The following PTPRD variants were observed in gnomAD, a reference collection of about 807,000 sequenced individuals.
PTPRD encodes receptor-type tyrosine-protein phosphatase delta.
PTPRD carries 34 observed loss-of-function variants against 214.5 expected under a neutral mutation model. The observed-to-expected ratio is 0.16, with a 90% CI of 0.12 to 0.21. The LOEUF is 0.21. PTPRD is among the 10% of genes least tolerant of loss of function. The pLI, the probability that PTPRD is intolerant of heterozygous loss-of-function variation, is 1.00. For missense variants in PTPRD, 2,545 were observed against 2,398.7 expected (o/e 1.06, Z -1.27); for synonymous variants, 1,128 against 845.7 (o/e 1.33, Z -5.79).
intron 7 of PTPRD, among the ~76,000 whole-genome samples, chr9:9,620,266 C>T (rs151059323): frequency 2.1e-4 from 32 of 152,200 alleles, no homozygotes; most frequent in African/African-American, 5.3e-4. Context: ...AAAAGGATAC[C>T]GATACCTACA....
Position 8,797,833 on chromosome 9 carries a change from G to C in PTPRD, c.-103-63887C>G, listed in dbSNP as rs867597377. Among the ~76,000 whole-genome samples, 7 of 151,962 alleles carry C rather than the reference G, an allele frequency of 4.6e-5. No individual in the cohort carries two copies. In the Middle Eastern group the frequency reaches 0.01, roughly 222 times the overall value. On this transcript the variant is annotated intron_variant, in intron 11 of 45. Coordinates refer to ENST00000381196, the MANE Select transcript of PTPRD (RefSeq NM_002839.4). ...TTGTATTTATTCACTTTAGTGTCTA[G>C]AACAGGACAGACTCTCAGAAAATAA... is the stretch of plus-strand genomic sequence containing the variant.
intron 8 of PTPRD, among the ~76,000 whole-genome samples, chr9:9,474,747 G>T (rs113551556): frequency 5.9e-5 from 9 of 151,420 alleles, no homozygotes; most frequent in African/African-American, 2.2e-4. Flanking sequence ...GTTTGTTATT[G>T]GTGTATAGAA....
At chr9:9,839,554 G>A (rs2057766491) in intron 5 of PTPRD, among the ~76,000 whole-genome samples, 1 of 151,978 alleles carries the variant, frequency 6.6e-6, no homozygotes. Flanking sequence ...AATAAAAGAG[G>A]ATACAAACAA....
chr9:10,543,475 T>TACACACACACACACACACAC (rs201493444), intron 2 of PTPRD, among the ~76,000 whole-genome samples: 1 of 104,262 alleles, frequency 9.6e-6, no homozygotes, highest in African/African-American at 3.2e-5. Flanking sequence ...TTAATATATA[T>TACACACACACACACACACAC]ATATACACAC....
At chr9:9,580,761 G>A (rs148761394) in intron 7 of PTPRD, among the ~76,000 whole-genome samples, 1 of 151,566 alleles carries the variant, frequency 6.6e-6, no homozygotes, top group South Asian at 2.1e-4. Flanking sequence ...GTTGGCCAGG[G>A]TGGTCTCAAA....
intron 9 of PTPRD, among the ~76,000 whole-genome samples, chr9:9,224,860 A>G (rs911288310): frequency 2.0e-5 from 3 of 151,998 alleles, no homozygotes; most frequent in African/African-American, 7.2e-5. Context: ...ATGGGATTCA[A>G]ATTGATACAT....
chr9:8,864,072 C>T (rs145189692), intron 11 of PTPRD, among the ~76,000 whole-genome samples: 2 of 152,162 alleles, frequency 1.3e-5, no homozygotes, highest in African/African-American at 4.8e-5. Context: ...TGCTGAATGG[C>T]GCAAGAATGG....
At chr9:10,430,381 G>T (rs1451225157) in intron 2 of PTPRD, among the ~76,000 whole-genome samples, 1 of 151,684 alleles carries the variant, frequency 6.6e-6, no homozygotes, top group Non-Finnish European at 1.5e-5. Context: ...TTAAATAATG[G>T]TTAAATTACT....
intron 23 of PTPRD, among the ~76,000 whole-genome samples, chr9:8,501,353 G>A (rs746550806): frequency 1.3e-5 from 2 of 152,018 alleles, no homozygotes; most frequent in Non-Finnish European, 2.9e-5. Flanking sequence ...ACCTACCTGC[G>A]ATAAAAATTC....
At chr9:8,466,306 T>C (rs958386293) in intron 31 of PTPRD, among the ~76,000 whole-genome samples, 2 of 151,960 alleles carry the variant, frequency 1.3e-5, no homozygotes, top group African/African-American at 2.4e-5. Context: ...CACTTTATCA[T>C]GGAGTCAACT....
At chr9:9,569,509 T>C (rs929525055) in intron 8 of PTPRD, among the ~76,000 whole-genome samples, 3 of 151,710 alleles carry the variant, frequency 2.0e-5, no homozygotes, top group African/African-American at 7.2e-5. Flanking sequence ...ATTAAATATA[T>C]GCCATTGAAA....
intron 3 of PTPRD, among the ~76,000 whole-genome samples, chr9:10,040,628 T>C (rs1299640530): frequency 6.6e-6 from 1 of 152,056 alleles, no homozygotes; most frequent in Non-Finnish European, 1.5e-5. Flanking sequence ...TTTATGGAAC[T>C]CACATAGTTA....
At chr9:10,046,010 T>C (rs930550223) in intron 3 of PTPRD, among the ~76,000 whole-genome samples, 3 of 151,806 alleles carry the variant, frequency 2.0e-5, no homozygotes, top group Admixed American at 2.0e-4. Flanking sequence ...GCATTTTTAA[T>C]ACTTATTGTT....
chr9:9,167,956 A>T (rs1031852904), intron 10 of PTPRD, among the ~76,000 whole-genome samples: 1 of 152,120 alleles, frequency 6.6e-6, no homozygotes, highest in African/African-American at 2.4e-5. Context: ...ACGAAAACCT[A>T]TCTTTCTGTG....
At chr9:10,043,798 C>A (rs948843121) in intron 3 of PTPRD, among the ~76,000 whole-genome samples, 3 of 151,844 alleles carry the variant, frequency 2.0e-5, no homozygotes, top group African/African-American at 7.2e-5. Context: ...TACCTGCACA[C>A]AGCTGCAAAA....
At chr9:10,419,083 AC>A (rs1471080575) in intron 2 of PTPRD, among the ~76,000 whole-genome samples, 4 of 151,898 alleles carry the variant, frequency 2.6e-5, no homozygotes, top group Non-Finnish European at 5.9e-5. Flanking sequence ...CCCCACCTAC[AC>A]AAAAATTGGT....
In PTPRD at chr9:10,149,015, T is replaced by C. The variant is rs555680019; in HGVS notation, c.-544-115225A>G. ...ATTAATGGCATTTCAGTGTGCTTCC[T>C]GCAGCTGGCTCAGAAAAGCAGTTCA... On this transcript the variant is annotated intron_variant, in intron 3 of 45. Transcript: ENST00000381196. Among the ~76,000 whole-genome samples the C allele has an allele frequency of 5.3e-5, 8 of 152,168 alleles. No homozygotes were observed. In the South Asian group the frequency reaches 6.2e-4, roughly 12 times the overall value.
At chr9:8,585,146 G>A (rs189022872) in intron 14 of PTPRD, among the ~76,000 whole-genome samples, 33 of 152,180 alleles carry the variant, frequency 2.2e-4, no homozygotes, top group Admixed American at 2.0e-3. Flanking sequence ...TGCTTGCCAC[G>A]TGAAATTTTC....
At chr9:10,076,030 G>T (rs558021899) in intron 3 of PTPRD, among the ~76,000 whole-genome samples, 2 of 152,182 alleles carry the variant, frequency 1.3e-5, no homozygotes, top group South Asian at 4.1e-4. Context: ...CCTGACAAAG[G>T]TTATTAAATT....
Sources: allele counts gnomAD v4.1 joint callset (sites outside exome capture counted in the v4.1 genomes callset), GRCh38; gene constraint gnomAD v4.1.1; transcripts MANE v1.5; gene names NCBI Gene and HGNC (gene_info 2026-07-23, HGNC 2026-07-21).